Variants in CEP68 observed in about 807,000 individuals in gnomAD.
CEP68 encodes centrosomal protein of 68 kDa.
Under a neutral mutation model 55.3 loss-of-function variants are expected in CEP68, and 26 were observed. The observed-to-expected ratio is 0.47, with a 90% CI of 0.34 to 0.65. The LOEUF (loss-of-function observed/expected upper bound fraction) is 0.65. Among genes scored for constraint, CEP68 ranks in the 30% least tolerant of loss-of-function variants. CEP68 has a pLI of 0.01. For missense variants in CEP68, 957 were observed against 946.7 expected (o/e 1.01, Z -0.14); for synonymous variants, 402 against 383.2 (o/e 1.05, Z -0.57).
Position 65,072,485 on chromosome 2 carries a change from T to G in CEP68, c.1389T>G (p.Pro463=). Reference sequence around the variant, plus strand: ...GGACCAGCCAGAGTGCCCGGCGCCCTACCTGCACAGAGTCTAGGTGGAAAT... The same window carrying G: ...GGACCAGCCAGAGTGCCCGGCGCCCGACCTGCACAGAGTCTAGGTGGAAAT... ...EKRTSQSARR[P]TCTESRWKSE... The change falls in exon 3 of 7, where the codon CCT becomes CCG. Residue 463 remains proline (P), a synonymous_variant. Transcript: ENST00000377990. The G allele has an allele frequency of 2.5e-6, 4 of 1,613,942 alleles. No individual in the cohort carries two copies. Among genetic ancestry groups the G allele is most frequent in the Non-Finnish European group, 3.4e-6 (4 of 1,179,994 alleles).
rs747138066 is a variant in CEP68 at position 65,072,586 on chromosome 2, C to T, written c.1490C>T (p.Ser497Leu). ...ARLTQVSSLV[S>L]YLGSISTLVT... The stretch of plus-strand genomic sequence containing the variant: ...CTGACACAGGTTTCTAGCCTGGTTT[C>T]GTATCTAGGATCCATTTCTACCTTG... Residue 497 changes from serine to leucine, a missense_variant, in exon 3 of 7, where the codon TCG becomes TTG. Ser to Leu is a moderately radical substitution (Grantham distance 145). Transcript: ENST00000377990. The T allele has an allele frequency of 5.6e-6, 9 of 1,613,942 alleles. No homozygotes were observed. Among genetic ancestry groups the T allele is most frequent in the East Asian group, 2.2e-5 (1 of 44,890 alleles).
At chr2:65,065,425 G>A (rs577461375) in intron 1 of CEP68, among the ~76,000 whole-genome samples, 1 of 152,340 alleles carries the variant, frequency 6.6e-6, no homozygotes, top group Non-Finnish European at 1.5e-5. Context: ...AGAGGAAGCT[G>A]TCTTTGTACG....
At chr2:65,073,546 G>A (rs1320403882) in intron 3 of CEP68, 2 of 164,652 alleles carry the variant, frequency 1.2e-5, no homozygotes, top group African/African-American at 2.4e-5. Context: ...TAGGGTTATC[G>A]GTGTCAGGCA....
intron 1 of CEP68, among the ~76,000 whole-genome samples, chr2:65,067,304 C>A (rs566826250): frequency 2.0e-5 from 3 of 151,486 alleles, no homozygotes; most frequent in Admixed American, 1.3e-4. Context: ...CGCTTGAACC[C>A]GGGAGGTGGA....
intron 1 of CEP68, among the ~76,000 whole-genome samples, chr2:65,066,396 A>C (rs1206481302): frequency 2.0e-5 from 3 of 151,932 alleles, no homozygotes; most frequent in Non-Finnish European, 4.4e-5. Flanking sequence ...GAAGTTCAAG[A>C]CCAGCCTGGC....
chr2:65,058,497 C>CTTTTTTT (rs34477880), intron 1 of CEP68, among the ~76,000 whole-genome samples: 5 of 75,682 alleles, frequency 6.6e-5, no homozygotes, highest in Admixed American at 2.0e-4. Context: ...GATTTTTTTC[C>CTTTTTTT]TTTTTTTTTT....
At chr2:65,064,537 A>G (rs1423953077) in intron 1 of CEP68, among the ~76,000 whole-genome samples, 1 of 152,100 alleles carries the variant, frequency 6.6e-6, no homozygotes, top group African/African-American at 2.4e-5. Context: ...GATCGAGACC[A>G]TCCTGGCTAA....
intron 1 of CEP68, among the ~76,000 whole-genome samples, chr2:65,068,839 A>AAAAAG (rs761036197): frequency 8.5e-5 from 13 of 152,232 alleles, no homozygotes; most frequent in Admixed American, 3.9e-4. Context: ...GAAAAAAGAA[A>AAAAAG]AAAAGAAAAG....
chr2:65,072,718 C>G lies in CEP68; in HGVS notation c.1622C>G (p.Pro541Arg). ...PSSSSQSQLP[P>R]GAALQGSGDP... ...AGCTCCAGCCAAAGCCAGCTTCCCC[C>G]TGGAGCTGCCCTCCAAGGATCTGGG... The change falls in exon 3 of 7, where the codon CCT becomes CGT. Residue 541 changes from proline (P) to arginine (R), a missense_variant. Transcript: ENST00000377990. The G allele has an allele frequency of 1.9e-6, 3 of 1,614,156 alleles. No individual in the cohort carries two copies. Among genetic ancestry groups the G allele is most frequent in the Non-Finnish European group, 2.5e-6 (3 of 1,180,008 alleles).
chr2:65,086,408 G>T lies in CEP68; in HGVS notation c.*2774G>T, dbSNP rs1669028645. 6.6e-6 allele frequency: 1 copy of T among 151,978 alleles called. No homozygotes were observed. The highest frequency in any genetic ancestry group is 1.5e-5 in the Non-Finnish European group (1 of 68,010). The allele number at this position is 151,978 out of a possible 1,614,324, so 9.4% of individuals were successfully genotyped here. ...GTACTTGAAAATGGGGGTATAAAGGGGTATATATTTTTTCCAGAACCACAT... is the reference window on the plus strand; with the variant it reads ...GTACTTGAAAATGGGGGTATAAAGGTGTATATATTTTTTCCAGAACCACAT... On this transcript the variant is annotated 3_prime_UTR_variant, in exon 7 of 7. Coordinates refer to ENST00000377990, the MANE Select transcript of CEP68 (RefSeq NM_015147.3).
rs759285980 is a variant in CEP68 at position 65,072,347 on chromosome 2, C to T, written c.1251C>T (p.Ala417=). 8.7e-6 allele frequency: 14 copies of T among 1,613,914 alleles called. No individual in the cohort carries two copies. The Admixed American group carries it at 2.0e-4, about 23-fold the overall frequency. The change falls in exon 3 of 7, where the codon GCC becomes GCT. Residue 417 remains alanine (A), a synonymous_variant. Coordinates refer to ENST00000377990, the MANE Select transcript of CEP68 (RefSeq NM_015147.3). ...RDARWERREP[A]LRGAKDRLTI... is the part of the protein sequence containing the mutation. ...CTCGTTGGGAGCGCAGAGAGCCAGC[C>T]CTGAGGGGTGCGAAGGACCGGCTGA...
chr2:65,071,746 G>A lies in CEP68; in HGVS notation c.650G>A (p.Arg217His), dbSNP rs183284304. The A allele has an allele frequency of 5.9e-4, 958 of 1,613,686 alleles. 12 individuals are homozygous for A. The Admixed American group carries it at 0.014, about 24-fold the overall frequency. ...GGTCACCAGGAGAGGGCGGAGCCTC[G>A]TGGTGGTTCTCTGGCCAAGGTCTCC... ...LQGHQERAEP[R>H]GGSLAKVSSS... Residue 217 changes from arginine (R) to histidine (H), a missense_variant, in exon 3 of 7, where the codon CGT becomes CAT. By Grantham distance (29) the Arg-to-His change is conservative (BLOSUM62 0). Transcript: ENST00000377990.
intron 2 of CEP68, chr2:65,071,125 G>A (rs1169573630): frequency 1.6e-5 from 5 of 317,380 alleles, no homozygotes; most frequent in African/African-American, 6.4e-5. Flanking sequence ...GCCAGGAGAC[G>A]CTTCTCAGAG....
chr2:65,062,919 G>C (rs1036968893), intron 1 of CEP68, among the ~76,000 whole-genome samples: 1 of 152,172 alleles, frequency 6.6e-6, no homozygotes, highest in African/African-American at 2.4e-5. Context: ...TGTTTGAGGG[G>C]TTTAGTCAAG....
At chr2:65,065,393 C>G (rs1273995703) in intron 1 of CEP68, among the ~76,000 whole-genome samples, 1 of 152,172 alleles carries the variant, frequency 6.6e-6, no homozygotes, top group African/African-American at 2.4e-5. Flanking sequence ...CACCAGAATA[C>G]AGTACTGGTC....
At chr2:65,060,953 G>T (rs1675884130) in intron 1 of CEP68, among the ~76,000 whole-genome samples, 1 of 152,178 alleles carries the variant, frequency 6.6e-6, no homozygotes, top group Admixed American at 6.5e-5. Flanking sequence ...GAGGCAGGAG[G>T]ATCACATAAG....
intron 1 of CEP68, among the ~76,000 whole-genome samples, chr2:65,064,821 A>G (rs1676083985): frequency 6.6e-6 from 1 of 151,970 alleles, no homozygotes; most frequent in Admixed American, 6.6e-5. Context: ...TTTCTAGCTC[A>G]CGGGCGCAGC....
chr2:65,072,400 C>G lies in CEP68; in HGVS notation c.1304C>G (p.Ser435Cys), dbSNP rs780480482. Residue 435 changes from serine (S) to cysteine (C), a missense_variant, in exon 3 of 7, where the codon TCT (serine) becomes TGT (cysteine). By Grantham distance (112) the Ser-to-Cys change is moderately radical. Coordinates refer to ENST00000377990, the MANE Select transcript of CEP68 (RefSeq NM_015147.3). Reference sequence around the variant, plus strand: ...ATAGGCAAGCACCTTGATATGGGCTCTCCCCAGCTAAGGACACGGGACAGA... The same window carrying G: ...ATAGGCAAGCACCTTGATATGGGCTGTCCCCAGCTAAGGACACGGGACAGA... Reference protein sequence around the residue: ...LTIGKHLDMGSPQLRTRDRGW... With the variant: ...LTIGKHLDMGCPQLRTRDRGW... 6 of 1,613,954 alleles carry G rather than the reference C, an allele frequency of 3.7e-6. No homozygotes were observed. Among genetic ancestry groups the G allele is most frequent in the Admixed American group, 3.3e-5 (2 of 60,022 alleles).
intron 1 of CEP68, among the ~76,000 whole-genome samples, chr2:65,066,973 G>C (rs1027822780): frequency 6.6e-6 from 1 of 150,864 alleles, no homozygotes; most frequent in South Asian, 2.1e-4. Flanking sequence ...TGTTACTGAA[G>C]GACCTGCTGT....
Sources: allele counts gnomAD v4.1 joint callset (sites outside exome capture counted in the v4.1 genomes callset), GRCh38; gene constraint gnomAD v4.1.1; transcripts MANE v1.5; gene names NCBI Gene and HGNC (gene_info 2026-07-23, HGNC 2026-07-21).